Variants in TTC7B observed in about 807,000 individuals in gnomAD.
TTC7B encodes the protein tetratricopeptide repeat protein 7B.
TTC7B carries 28 observed loss-of-function variants against 106.8 expected under a neutral mutation model. The ratio of observed to expected loss-of-function variants is 0.26; its 90% CI spans 0.19 to 0.36. TTC7B has a LOEUF of 0.36. TTC7B is among the 10% of genes least tolerant of loss of function. The pLI is 1.00. For synonymous variants in TTC7B, 405 were observed against 430.6 expected (o/e 0.94, Z 0.74); for missense variants, 862 against 1,076.4 (o/e 0.80, Z 2.79).
At chr14:90,783,149 G>A (rs1433447345) in intron 2 of TTC7B, among the ~76,000 whole-genome samples, 3 of 152,228 alleles carry the variant, frequency 2.0e-5, no homozygotes, top group African/African-American at 7.2e-5. Context: ...CACAGTGTCA[G>A]GGGCCACCTT....
chr14:90,613,262 G>A (rs1892944461), intron 16 of TTC7B, among the ~76,000 whole-genome samples: 1 of 152,068 alleles, frequency 6.6e-6, no homozygotes, highest in Non-Finnish European at 1.5e-5. Flanking sequence ...AGGCTTGGCG[G>A]CATGCACCTG....
At chr14:90,815,184 G>C (rs1315219734) in intron 1 of TTC7B, among the ~76,000 whole-genome samples, 1 of 152,206 alleles carries the variant, frequency 6.6e-6, no homozygotes, top group African/African-American at 2.4e-5. Context: ...GATGAAATGA[G>C]ACAAACCCTC....
At chr14:90,623,899 T>G (rs1884320754) in intron 15 of TTC7B, among the ~76,000 whole-genome samples, 1 of 152,148 alleles carries the variant, frequency 6.6e-6, no homozygotes, top group Non-Finnish European at 1.5e-5. Flanking sequence ...CACACATCTG[T>G]AGTACCAGCT....
At chr14:90,688,470 A>G (rs1442518241) in intron 7 of TTC7B, among the ~76,000 whole-genome samples, 1 of 152,080 alleles carries the variant, frequency 6.6e-6, no homozygotes, top group Non-Finnish European at 1.5e-5. Context: ...TAAAATACAA[A>G]AAATTAGCCA....
In TTC7B at chr14:90,643,585, G is replaced by A. The variant is rs1339934460; in HGVS notation, c.1751+463C>T. ...AAGTTTTTTGTTTGTTTGTTTGTTT[G>A]TTTGTTTTTTGAGACGGAATCTCGC... On this transcript the variant is annotated intron_variant, in intron 15 of 19. Transcript: ENST00000328459. Among the ~76,000 whole-genome samples, 3 of 151,538 alleles carry A rather than the reference G, an allele frequency of 2.0e-5. No individual in the cohort carries two copies. The East Asian group carries it at 5.8e-4, about 29-fold the overall frequency.
At chr14:90,583,647 C>T (rs911569643) in intron 18 of TTC7B, among the ~76,000 whole-genome samples, 1 of 152,132 alleles carries the variant, frequency 6.6e-6, no homozygotes, top group African/African-American at 2.4e-5. Flanking sequence ...TGGAAGGTCA[C>T]TCTCTGAAGA....
intron 1 of TTC7B, among the ~76,000 whole-genome samples, chr14:90,787,817 C>T (rs1017401849): frequency 2.6e-5 from 4 of 152,228 alleles, no homozygotes; most frequent in African/African-American, 9.6e-5. Flanking sequence ...AACACGAAAA[C>T]AGGGCTGAGT....
At chr14:90,698,063 A>G (rs1013293504) in intron 5 of TTC7B, 14 of 152,332 alleles carry the variant, frequency 9.2e-5, no homozygotes, top group Admixed American at 2.6e-4. Flanking sequence ...CCACAGATCA[A>G]TCGGACAGCA....
chr14:90,755,889 A>G (rs7147338), intron 3 of TTC7B, among the ~76,000 whole-genome samples: 107,853 of 152,208 alleles, frequency 0.71, 38,738 homozygotes, highest in African/African-American at 0.82. Context: ...GTAAATACTC[A>G]ATAAGTACTC....
At chr14:90,687,600 C>G (rs1887296934) in intron 7 of TTC7B, among the ~76,000 whole-genome samples, 1 of 152,188 alleles carries the variant, frequency 6.6e-6, no homozygotes, top group African/African-American at 2.4e-5. Context: ...ACTTTAGAGT[C>G]TATTTTTATG....
At chr14:90,766,890 T>C (rs1304021344) in intron 3 of TTC7B, 72 of 1,503,122 alleles carry the variant, frequency 4.8e-5, no homozygotes, top group Middle Eastern at 2.4e-4. Flanking sequence ...TTCGGGCCCA[T>C]AGAGGGCTGT....
chr14:90,709,979 C>T (rs1479395342), intron 5 of TTC7B, among the ~76,000 whole-genome samples: 1 of 60,376 alleles, frequency 1.7e-5, no homozygotes, highest in Non-Finnish European at 3.6e-5. Context: ...CCTTATGTGC[C>T]AGAAAAAAAA....
At chr14:90,688,493 C>T (rs565109820) in intron 7 of TTC7B, among the ~76,000 whole-genome samples, 3 of 151,990 alleles carry the variant, frequency 2.0e-5, no homozygotes, top group Non-Finnish European at 2.9e-5. Context: ...CATGGTGGCA[C>T]GCACCTGTAG....
rs1167400507 is a variant in TTC7B, at chr14:90,807,838, T to C, written c.121+8337A>G. On this transcript the variant is annotated intron_variant, in intron 1 of 19. Coordinates refer to ENST00000328459, the MANE Select transcript of TTC7B (RefSeq NM_001010854.2). The surrounding 1 kb of genome is among the most constrained non-coding windows in gnomAD (Gnocchi z 4.1). ...AAAGCATGCTGCATACCTGCAACAC[T>C]GGGAGCTTAAGAATGCAGAACCCCA... 1.8e-4 allele frequency among the ~76,000 whole-genome samples: 27 copies of C among 152,190 alleles called. No homozygotes were observed. The highest frequency in any genetic ancestry group is 1.6e-3 in the Admixed American group (25 of 15,270).
chr14:90,550,895 G>A (rs1890048205), intron 19 of TTC7B, among the ~76,000 whole-genome samples: 1 of 152,142 alleles, frequency 6.6e-6, no homozygotes, highest in African/African-American at 2.4e-5. Flanking sequence ...CTGGCCTCAG[G>A]TCACCCTTGT....
At chr14:90,765,448 G>C (rs769839961) in intron 3 of TTC7B, among the ~76,000 whole-genome samples, 2 of 152,094 alleles carry the variant, frequency 1.3e-5, no homozygotes, top group African/African-American at 4.8e-5. Flanking sequence ...CACTTTAAAG[G>C]GTTGAATTGT....
In TTC7B at chr14:90,624,705, A is replaced by G. The variant is rs1566804855; in HGVS notation, c.1752-6660T>C. Among the ~76,000 whole-genome samples, 1 of 152,266 alleles carries G rather than the reference A, an allele frequency of 6.6e-6. No homozygotes were observed. Among genetic ancestry groups the G allele is most frequent in the Non-Finnish European group, 1.5e-5 (1 of 68,048 alleles). On this transcript the variant is annotated intron_variant, in intron 15 of 19. Coordinates refer to ENST00000328459, the MANE Select transcript of TTC7B (RefSeq NM_001010854.2). The surrounding 1 kb of genome is among the most constrained non-coding windows in gnomAD (Gnocchi z 4.0). ...TCCCATCTTCTGTGTCAGTATAAAA[A>G]ATGTGCTGATTATATCAAGGAAGAA...
Position 90,672,181 on chromosome 14 carries a change from G to A in TTC7B, c.1152+4342C>T, listed in dbSNP as rs995525252. ...GTTGGGGACAAGAGAAGGAAGGAAAGCACAAGGACAGGGTGAGAAGGAGTT... is the reference window on the plus strand; with the variant it reads ...GTTGGGGACAAGAGAAGGAAGGAAAACACAAGGACAGGGTGAGAAGGAGTT... On this transcript the variant is annotated intron_variant, in intron 9 of 19. Coordinates refer to ENST00000328459, the MANE Select transcript of TTC7B (RefSeq NM_001010854.2). Among the ~76,000 whole-genome samples the A allele has an allele frequency of 2.6e-5, 4 of 152,280 alleles. No individual in the cohort carries two copies. In the South Asian group the frequency reaches 6.2e-4, roughly 24 times the overall value.
intron 15 of TTC7B, 137 bp downstream of exon 15, chr14:90,643,911 A>T (rs1450055571): frequency 5.3e-6 from 6 of 1,127,354 alleles, no homozygotes; most frequent in Non-Finnish European, 7.7e-6. Context: ...TCAGGAAAAA[A>T]TAACAGTAAA....
Sources: gnomAD v4.1 joint callset for allele counts (sites outside exome capture counted in the v4.1 genomes callset) on GRCh38, gnomAD v4.1.1 for gene constraint, Gnocchi (gnomAD v3.1) non-coding constraint, MANE v1.5 for transcripts, NCBI Gene and HGNC (gene_info 2026-07-23, HGNC 2026-07-21) for gene names.